RANBP2: variants seen among roughly 807,000 people sequenced by gnomAD.
RANBP2 encodes the protein RAN binding protein 2, also known as E3 SUMO-protein ligase RanBP2.
RANBP2 carries 57 observed loss-of-function variants against 303.6 expected under a neutral mutation model. The ratio of observed to expected loss-of-function variants is 0.19; its 90% CI spans 0.15 to 0.23. RANBP2 has a LOEUF of 0.23. RANBP2 is among the 10% of genes least tolerant of loss of function. RANBP2 has a pLI of 1.00. For missense variants in RANBP2, 3,138 were observed against 3,780.8 expected (o/e 0.83, Z 4.46); for synonymous variants, 1,167 against 1,301.5 (o/e 0.90, Z 2.23).
the RANBP2 span, among the ~76,000 whole-genome samples, chr2:108,900,214 AG>A: frequency 6.6e-6 from 1 of 152,234 alleles, no homozygotes; most frequent in Non-Finnish European, 1.5e-5. Context: ...AATATAAAAT[AG>A]CAGACTTAAG....
At chr2:109,023,535 G>C in the RANBP2 span, among the ~76,000 whole-genome samples, 1 of 152,184 alleles carries the variant, frequency 6.6e-6, no homozygotes, top group Non-Finnish European at 1.5e-5. Flanking sequence ...GGGCACAATG[G>C]CTCATACTTG....
the RANBP2 span, among the ~76,000 whole-genome samples, chr2:109,019,620 G>C: frequency 6.6e-6 from 1 of 152,192 alleles, no homozygotes; most frequent in African/African-American, 2.4e-5. Context: ...GATTGGTTTA[G>C]TTCAGTTTGG....
chr2:108,750,302 A>G (rs1279126804), intron 9 of RANBP2, among the ~76,000 whole-genome samples: 4 of 152,236 alleles, frequency 2.6e-5, no homozygotes, highest in African/African-American at 4.8e-5. Context: ...TATTGGCAAT[A>G]TAATCTTTTT....
At chr2:108,865,991 T>C in the RANBP2 span, among the ~76,000 whole-genome samples, 1 of 152,120 alleles carries the variant, frequency 6.6e-6, no homozygotes, top group Admixed American at 6.5e-5. Context: ...GGGGAGAAGC[T>C]AGGAGCTGGG....
At chr2:108,909,438 A>G in the RANBP2 span, among the ~76,000 whole-genome samples, 1 of 9,850 alleles carries the variant, frequency 1.0e-4, no homozygotes, top group Non-Finnish European at 2.1e-4. Flanking sequence ...ATGGCTTTGC[A>G]AGGTGAATCA....
the RANBP2 span, among the ~76,000 whole-genome samples, chr2:109,259,913 C>A: frequency 6.6e-6 from 1 of 152,176 alleles, no homozygotes; most frequent in Non-Finnish European, 1.5e-5. Context: ...GTGTGCTACA[C>A]CGTGCACAAC....
the RANBP2 span, among the ~76,000 whole-genome samples, chr2:109,760,969 C>T: frequency 7.6e-6 from 1 of 131,304 alleles, no homozygotes; most frequent in Non-Finnish European, 1.6e-5. Context: ...CTGTTTCCCC[C>T]TCTCCTGTTC....
chr2:108,916,685 C>T, the RANBP2 span, among the ~76,000 whole-genome samples: 1 of 152,174 alleles, frequency 6.6e-6, no homozygotes, highest in East Asian at 1.9e-4. Context: ...AATGCTTGCT[C>T]TGAGCACGTG....
chr2:109,657,176 T>G, the RANBP2 span, among the ~76,000 whole-genome samples: 15,990 of 152,196 alleles, frequency 0.11, 1,459 homozygotes, highest in East Asian at 0.34. Flanking sequence ...GCCAACATCC[T>G]TGCATTTCAA....
chr2:109,439,541 G>T, the RANBP2 span, among the ~76,000 whole-genome samples: 2 of 152,112 alleles, frequency 1.3e-5, no homozygotes, highest in Non-Finnish European at 2.9e-5. Context: ...TTCTCATCTC[G>T]AGCCAAAGTC....
the RANBP2 span, among the ~76,000 whole-genome samples, chr2:109,089,442 T>TA: frequency 3.9e-3 from 563 of 143,476 alleles, 3 homozygotes; most frequent in African/African-American, 0.012. Context: ...CATCTCTATT[T>TA]AAAAAAAAAA....
chr2:109,230,468 T>C, the RANBP2 span, among the ~76,000 whole-genome samples: 1 of 152,106 alleles, frequency 6.6e-6, no homozygotes, highest in African/African-American at 2.4e-5. Context: ...TTATCCCAGT[T>C]ACTCGGGGGG....
chr2:109,628,903 CAT>C, the RANBP2 span, among the ~76,000 whole-genome samples: 1 of 151,972 alleles, frequency 6.6e-6, no homozygotes, highest in Non-Finnish European at 1.5e-5. Context: ...GGTTGGCAGT[CAT>C]TTAAAATGTC....
At chr2:109,346,479 T>C in the RANBP2 span, among the ~76,000 whole-genome samples, 3 of 152,042 alleles carry the variant, frequency 2.0e-5, no homozygotes, top group African/African-American at 7.2e-5. Context: ...GGTAGGAAAA[T>C]CGTTGGGTAT....
the RANBP2 span, among the ~76,000 whole-genome samples, chr2:109,391,866 G>C: frequency 6.6e-6 from 1 of 151,740 alleles, no homozygotes; most frequent in African/African-American, 2.4e-5. Context: ...TTAAGACAGG[G>C]TCTTACTCTG....
At chr2:109,629,294 G>C in the RANBP2 span, among the ~76,000 whole-genome samples, 1 of 121,416 alleles carries the variant, frequency 8.2e-6, no homozygotes, top group African/African-American at 3.1e-5. Flanking sequence ...AATGTCACCT[G>C]GCCTAAAGAT....
chr2:108,866,776 G>A, the RANBP2 span, among the ~76,000 whole-genome samples: 3 of 151,860 alleles, frequency 2.0e-5, no homozygotes, highest in Non-Finnish European at 2.9e-5. Flanking sequence ...CCAGTTACTC[G>A]GGAGACTGAG....
chr2:109,115,724 C>T, the RANBP2 span, among the ~76,000 whole-genome samples: 1 of 152,164 alleles, frequency 6.6e-6, no homozygotes, highest in Admixed American at 6.5e-5. Context: ...TCTTCCTAGC[C>T]TTGATGGTCT....
At chr2:109,666,007 A>G in the RANBP2 span, among the ~76,000 whole-genome samples, 1 of 151,984 alleles carries the variant, frequency 6.6e-6, no homozygotes, top group Non-Finnish European at 1.5e-5. Context: ...GCTACTCAGG[A>G]GGCTGAGGCA....
Sources: gnomAD v4.1 joint callset for allele counts (sites outside exome capture counted in the v4.1 genomes callset) on GRCh38, gnomAD v4.1.1 for gene constraint, MANE v1.5 for transcripts, NCBI Gene and HGNC (gene_info 2026-07-23, HGNC 2026-07-21) for gene names.